POU2F1: variants seen among roughly 807,000 people sequenced by gnomAD.
POU2F1 encodes the protein POU domain, class 2, transcription factor 1.
Under a neutral mutation model 84.9 loss-of-function variants are expected in POU2F1, and 16 were observed. That is an observed-to-expected ratio of 0.19 (90% CI 0.13 to 0.29). The LOEUF (loss-of-function observed/expected upper bound fraction) is 0.29, where lower values mean the gene tolerates loss of function less well. Ranked by LOEUF, POU2F1 falls within the 10% of genes least tolerant of loss-of-function variation. The pLI, the probability that POU2F1 is intolerant of heterozygous loss-of-function variation, is 1.00. For synonymous variants in POU2F1, 368 were observed against 368.3 expected (o/e 1.00, Z 0.01); for missense variants, 738 against 942.6 (o/e 0.78, Z 2.84).
chr1:167,381,980 A>G (rs1352587151), intron 7 of POU2F1, among the ~76,000 whole-genome samples: 1 of 73,000 alleles, frequency 1.4e-5, no homozygotes, highest in Non-Finnish European at 2.9e-5. Flanking sequence ...ATTAGTTTTA[A>G]TAGTTAACAT....
At chr1:167,280,378 CT>C (rs1160787959) in intron 1 of POU2F1, among the ~76,000 whole-genome samples, 1 of 140,116 alleles carries the variant, frequency 7.1e-6, no homozygotes, top group Non-Finnish European at 1.5e-5. Context: ...TTTTTTCAGA[CT>C]TTTAGTTTTT....
At chr1:167,371,853 T>G (rs945471066) in intron 4 of POU2F1, 64 bp from the exon 5 acceptor site, 2 of 1,593,720 alleles carry the variant, frequency 1.3e-6, no homozygotes, top group Non-Finnish European at 8.6e-7. Flanking sequence ...AAAGATGGGG[T>G]TTTAAGTACA....
At chr1:167,334,063 C>T (rs1657258331) in intron 2 of POU2F1, among the ~76,000 whole-genome samples, 1 of 150,996 alleles carries the variant, frequency 6.6e-6, no homozygotes, top group African/African-American at 2.4e-5. Flanking sequence ...GCCATTACAT[C>T]AGACTACATG....
chr1:167,227,241 G>A (rs10127603), intron 1 of POU2F1, among the ~76,000 whole-genome samples: 140,295 of 152,266 alleles, frequency 0.92, 65,688 homozygotes, highest in Non-Finnish European at 1. Context: ...AGCAAGTGCA[G>A]TTTATCACAT....
intron 2 of POU2F1, among the ~76,000 whole-genome samples, chr1:167,345,149 A>C (rs1017478501): frequency 5.9e-5 from 9 of 152,196 alleles, no homozygotes; most frequent in Non-Finnish European, 1.2e-4. Flanking sequence ...TGCATGTTCT[A>C]TGTATCCCGG....
intron 1 of POU2F1, among the ~76,000 whole-genome samples, chr1:167,265,542 A>G (rs900276331): frequency 1.3e-5 from 2 of 152,328 alleles, no homozygotes; most frequent in East Asian, 3.9e-4. Flanking sequence ...AAGATTTGAT[A>G]ACTCTTTTAG....
Position 167,358,737 on chromosome 1 carries a change from T to TTTTTTTTTGG in POU2F1, c.128-6730_128-6729insTTTTTTTTGG, listed in dbSNP as rs71097670. On this transcript the variant is annotated intron_variant, in intron 2 of 15. Transcript: ENST00000367866. Reference sequence around the variant, plus strand: ...GCAGCTTTTTTTTTTTTTTTTTTTTTGAGACAGGTTCTGACTGTGCTGCTC... The same window carrying TTTTTTTTTGG: ...GCAGCTTTTTTTTTTTTTTTTTTTTTTTTTTTTTGGGAGACAGGTTCTGACTGTGCTGCTC... Among the ~76,000 whole-genome samples, 14 of 88,774 alleles carry TTTTTTTTTGG rather than the reference T, an allele frequency of 1.6e-4. 1 individual carries two copies. The highest frequency in any genetic ancestry group is 2.9e-4 in the Non-Finnish European group (13 of 44,896). 58.2% of individuals were successfully genotyped at this position (88,774 alleles called of 152,430 possible). A position where few individuals can be genotyped will look rare whatever the true frequency, so the allele number is the denominator to read the frequency against.
At chr1:167,354,035 A>G (rs1658771312) in intron 2 of POU2F1, among the ~76,000 whole-genome samples, 1 of 152,156 alleles carries the variant, frequency 6.6e-6, no homozygotes, top group Non-Finnish European at 1.5e-5. Flanking sequence ...TACCATGGAT[A>G]TTTTATTACT....
At chr1:167,414,230 A>T in intron 15 of POU2F1, 2 of 763,144 alleles carry the variant, frequency 2.6e-6, no homozygotes, top group Non-Finnish European at 3.2e-6. Context: ...GTTATATAAT[A>T]ATTTTTTTTT....
At chr1:167,365,717 A>G (rs1035027737) in intron 3 of POU2F1, 150 bp downstream of exon 3, 5 of 568,944 alleles carry the variant, frequency 8.8e-6, no homozygotes, top group Non-Finnish European at 1.5e-5. Context: ...TTTGGTTAGT[A>G]TGAAATCCTA....
At chr1:167,259,806 A>G (rs1651417957) in intron 1 of POU2F1, among the ~76,000 whole-genome samples, 1 of 152,140 alleles carries the variant, frequency 6.6e-6, no homozygotes. Context: ...ATGGCATCTC[A>G]TAAAGGGTAT....
At chr1:167,377,310 G>A (rs1386233015) in intron 7 of POU2F1, among the ~76,000 whole-genome samples, 9 of 152,194 alleles carry the variant, frequency 5.9e-5, no homozygotes. Context: ...TTAATGGCCA[G>A]GCGTGGTGGC....
intron 13 of POU2F1, among the ~76,000 whole-genome samples, chr1:167,410,042 A>G (rs1649847471): frequency 6.6e-6 from 1 of 152,228 alleles, no homozygotes; most frequent in Admixed American, 6.5e-5. Context: ...TCCAGTGTTC[A>G]GTGGTTGATT....
rs529111637 is a variant in POU2F1, at chr1:167,407,212, T to A, written c.1556-4747T>A. 1.8e-4 allele frequency among the ~76,000 whole-genome samples: 27 copies of A among 152,126 alleles called. No homozygotes were observed. The South Asian group carries it at 5.6e-3, about 32-fold the overall frequency. ...GCCCAGCTAATATTTGTATTTTTTG[T>A]AGAGACGAGGTTTTGCCATATTGCC... On this transcript the variant is annotated intron_variant, in intron 13 of 15. Transcript: ENST00000367866.
intron 7 of POU2F1, among the ~76,000 whole-genome samples, chr1:167,383,070 T>G (rs1647684390): frequency 6.6e-6 from 1 of 152,224 alleles, no homozygotes; most frequent in South Asian, 2.1e-4. Context: ...TGGTGTGCTT[T>G]GTCGAATACT....
chr1:167,387,038 C>A, intron 8 of POU2F1: 1 of 379,740 alleles, frequency 2.6e-6, no homozygotes, highest in Non-Finnish European at 5.3e-6. Flanking sequence ...TGTGAATATG[C>A]TGAATGCAAG....
At chr1:167,303,882 C>A (rs892717637) in intron 1 of POU2F1, among the ~76,000 whole-genome samples, 1 of 152,016 alleles carries the variant, frequency 6.6e-6, no homozygotes, top group African/African-American at 2.4e-5. Context: ...ATTTTTATAT[C>A]ATCTTTATTC....
At chr1:167,252,475 A>G (rs1309779942) in intron 1 of POU2F1, among the ~76,000 whole-genome samples, 2 of 152,234 alleles carry the variant, frequency 1.3e-5, no homozygotes, top group African/African-American at 2.4e-5. Context: ...AAGTGCTGAG[A>G]TTACATGCGT....
intron 13 of POU2F1, 42 bp downstream of exon 13, chr1:167,401,598 G>A: frequency 7.2e-7 from 1 of 1,392,290 alleles, no homozygotes. Flanking sequence ...GCACATGGGA[G>A]GCCCGTTTTG....
Sources: gnomAD v4.1 joint callset for allele counts (sites outside exome capture counted in the v4.1 genomes callset) on GRCh38, gnomAD v4.1.1 for gene constraint, MANE v1.5 for transcripts, NCBI Gene and HGNC (gene_info 2026-07-23, HGNC 2026-07-21) for gene names.